EDIL3: variants seen among roughly 807,000 people sequenced by gnomAD.
EDIL3 encodes EGF-like repeat and discoidin I-like domain-containing protein 3.
EDIL3 carries 37 observed loss-of-function variants against 67.4 expected under a neutral mutation model. The ratio of observed to expected loss-of-function variants is 0.55; its 90% CI spans 0.42 to 0.72. The LOEUF is 0.72. Ranked by LOEUF, EDIL3 falls within the 30% of genes least tolerant of loss-of-function variation. EDIL3 has a pLI of 0.00. For missense variants in EDIL3, 527 were observed against 586.3 expected, an observed-to-expected ratio of 0.90 and a Z score of 1.04; for synonymous variants, 195 against 196.3, an observed-to-expected ratio of 0.99 and a Z score of 0.05.
intron 9 of EDIL3, among the ~76,000 whole-genome samples, chr5:84,039,104 C>T (rs1004999104): frequency 7.2e-6 from 1 of 139,542 alleles, no homozygotes; most frequent in African/African-American, 3.3e-5. Flanking sequence ...ATCCTAAAGA[C>T]TGTGTTTTTT....
At chr5:84,000,337 A>G (rs1745309952) in intron 9 of EDIL3, among the ~76,000 whole-genome samples, 1 of 152,166 alleles carries the variant, frequency 6.6e-6, no homozygotes, top group Non-Finnish European at 1.5e-5. Context: ...AATAATACCT[A>G]TGACCACTTT....
intron 9 of EDIL3, among the ~76,000 whole-genome samples, chr5:83,982,885 G>A (rs1198964510): frequency 6.6e-6 from 1 of 152,096 alleles, no homozygotes; most frequent in Non-Finnish European, 1.5e-5. Flanking sequence ...AATTGTTCAG[G>A]TTGGACCCTA....
At chr5:84,179,757 G>A (rs1270272239) in intron 4 of EDIL3, among the ~76,000 whole-genome samples, 1 of 152,092 alleles carries the variant, frequency 6.6e-6, no homozygotes, top group African/African-American at 2.4e-5. Context: ...TGGCCCCTCT[G>A]CTTGCTGAAC....
intron 9 of EDIL3, among the ~76,000 whole-genome samples, chr5:83,966,420 C>T (rs926675169): frequency 1.3e-5 from 2 of 152,024 alleles, no homozygotes; most frequent in African/African-American, 2.4e-5. Context: ...ATTCTAGCTA[C>T]CTTTCTCTAG....
chr5:84,112,972 A>G (rs1052885745), intron 5 of EDIL3, among the ~76,000 whole-genome samples: 58 of 152,202 alleles, frequency 3.8e-4, no homozygotes, highest in Non-Finnish European at 1.3e-4. Flanking sequence ...TCAAAGGTAC[A>G]CAGATATAGA....
intron 2 of EDIL3, among the ~76,000 whole-genome samples, chr5:84,245,176 A>T (rs1264402125): frequency 1.3e-5 from 2 of 152,164 alleles, no homozygotes; most frequent in Non-Finnish European, 2.9e-5. Context: ...GCCTAGTTCT[A>T]GTTTACCCTT....
intron 3 of EDIL3, among the ~76,000 whole-genome samples, chr5:84,215,908 G>A (rs557035640): frequency 1.6e-4 from 25 of 152,210 alleles, no homozygotes; most frequent in Non-Finnish European, 3.5e-4. Context: ...TAATTTTAAT[G>A]TAGGGCCAGA....
chr5:84,046,380 T>G (rs1580297446), intron 9 of EDIL3, among the ~76,000 whole-genome samples: 1 of 152,098 alleles, frequency 6.6e-6, no homozygotes, highest in South Asian at 2.1e-4. Context: ...AGATATCCCC[T>G]GAAAAAAATG....
chr5:84,176,189 T>A (rs1443893894), intron 4 of EDIL3, among the ~76,000 whole-genome samples: 1 of 37,354 alleles, frequency 2.7e-5, no homozygotes, highest in African/African-American at 1.1e-4. Flanking sequence ...AAAATATATA[T>A]ATATATATAA....
chr5:84,195,294 T>C (rs944568756), intron 3 of EDIL3, among the ~76,000 whole-genome samples: 1 of 151,952 alleles, frequency 6.6e-6, no homozygotes, highest in East Asian at 1.9e-4. Context: ...ATTAGGGAAG[T>C]TACTATAAAT....
intron 1 of EDIL3, among the ~76,000 whole-genome samples, chr5:84,299,084 T>C (rs1324950269): frequency 1.3e-5 from 2 of 152,142 alleles, no homozygotes; most frequent in African/African-American, 4.8e-5. Context: ...AAGGACAACT[T>C]GGTACAGAAT....
chr5:83,974,756 CAT>C (rs1339128918), intron 9 of EDIL3, among the ~76,000 whole-genome samples: 3 of 151,878 alleles, frequency 2.0e-5, no homozygotes, highest in East Asian at 3.9e-4. Context: ...TTTATCTACT[CAT>C]ATTTATATTA....
chr5:84,064,598 A>T, intron 8 of EDIL3, 102 bp downstream of exon 8: 1 of 1,415,484 alleles, frequency 7.1e-7, no homozygotes, highest in Non-Finnish European at 9.3e-7. Flanking sequence ...CCAGAAAAAA[A>T]TTTCTATGGT....
At chr5:83,953,418 C>T (rs778365230) in intron 10 of EDIL3, among the ~76,000 whole-genome samples, 18 of 151,556 alleles carry the variant, frequency 1.2e-4, no homozygotes, top group Non-Finnish European at 1.8e-4. Flanking sequence ...TATGCTTGAT[C>T]TCAGAAGAGA....
At chr5:84,027,275 C>G (rs1745832353) in intron 9 of EDIL3, among the ~76,000 whole-genome samples, 2 of 152,116 alleles carry the variant, frequency 1.3e-5, no homozygotes, top group Non-Finnish European at 2.9e-5. Context: ...GAAGTATAAG[C>G]CCCAAAAGGG....
chr5:84,343,710 G>A (rs565056832), intron 1 of EDIL3, among the ~76,000 whole-genome samples: 6 of 151,962 alleles, frequency 3.9e-5, no homozygotes, highest in Non-Finnish European at 8.8e-5. Flanking sequence ...TACAGGAGAC[G>A]TCAAATAGAG....
At chr5:84,253,133 T>C (rs1465639390) in intron 2 of EDIL3, among the ~76,000 whole-genome samples, 1 of 152,144 alleles carries the variant, frequency 6.6e-6, no homozygotes, top group Non-Finnish European at 1.5e-5. Flanking sequence ...TTAAGTTAGG[T>C]GCACTGGGTA....
intron 5 of EDIL3, among the ~76,000 whole-genome samples, chr5:84,136,307 T>C (rs1748090433): frequency 6.6e-6 from 1 of 152,198 alleles, no homozygotes; most frequent in African/African-American, 2.4e-5. Flanking sequence ...ATAATGTTGT[T>C]GTGGTGCTCA....
intron 9 of EDIL3, among the ~76,000 whole-genome samples, chr5:84,043,041 T>C (rs1267284968): frequency 6.6e-6 from 1 of 152,152 alleles, no homozygotes; most frequent in African/African-American, 2.4e-5. Context: ...AAAGTTAACA[T>C]AAAGACAAGT....
Sources: gnomAD v4.1 joint callset for allele counts (sites outside exome capture counted in the v4.1 genomes callset) on GRCh38, gnomAD v4.1.1 for gene constraint, MANE v1.5 for transcripts, NCBI Gene and HGNC (gene_info 2026-07-23, HGNC 2026-07-21) for gene names.